PRKCQ: variants seen among roughly 807,000 people sequenced by gnomAD.
PRKCQ encodes protein kinase C theta type.
A neutral mutation model predicts 91.2 loss-of-function variants in PRKCQ; 41 were observed. The ratio of observed to expected loss-of-function variants is 0.45; its 90% CI spans 0.35 to 0.58. The LOEUF is 0.58. Among genes scored for constraint, PRKCQ ranks in the 20% least tolerant of loss-of-function variants. PRKCQ has a pLI of 0.00. For synonymous variants in PRKCQ, 307 were observed against 316.9 expected (o/e 0.97, Z 0.33); for missense variants, 673 against 896.5 (o/e 0.75, Z 3.18).
At chr10:6,437,049 G>C (rs112039892) in intron 16 of PRKCQ, among the ~76,000 whole-genome samples, 52 of 152,328 alleles carry the variant, frequency 3.4e-4, no homozygotes, top group African/African-American at 1.0e-3. Flanking sequence ...CTCACTTGGA[G>C]ACAGCCCCTG....
At chr10:6,530,463 C>T (rs77480215) in intron 1 of PRKCQ, among the ~76,000 whole-genome samples, 1 of 152,356 alleles carries the variant, frequency 6.6e-6, no homozygotes, top group Non-Finnish European at 1.5e-5. Flanking sequence ...CCGCAGTGAG[C>T]TAACAGTTTT....
At position 6,470,359 on chromosome 10, in the gene PRKCQ, C is replaced by T. The variant is rs79931338; in HGVS notation, c.1354-5955G>A. The stretch of plus-strand genomic sequence containing the variant: ...GTTTAGCACTTGAATTTCTGCAGTA[C>T]GTTGATTCTGACGCTCATATATTCC... On this transcript the variant is annotated intron_variant, in intron 12 of 17. Coordinates refer to ENST00000263125, the MANE Select transcript of PRKCQ (RefSeq NM_006257.5). 5.5e-4 allele frequency among the ~76,000 whole-genome samples: 84 copies of T among 152,244 alleles called. 1 individual carries two copies. In the East Asian group the frequency reaches 9.6e-3, roughly 17 times the overall value.
chr10:6,464,168 G>A, intron 13 of PRKCQ, 145 bp downstream of exon 13: 1 of 744,422 alleles, frequency 1.3e-6, no homozygotes, highest in Non-Finnish European at 2.4e-6. Context: ...TCACAACCTG[G>A]GAAAACTGTC....
intron 1 of PRKCQ, among the ~76,000 whole-genome samples, chr10:6,542,720 A>G (rs139182601): frequency 6.6e-6 from 1 of 152,118 alleles, no homozygotes; most frequent in Non-Finnish European, 1.5e-5. Context: ...TCAGAAGATC[A>G]GCTTAATATT....
At chr10:6,401,326 G>A in the PRKCQ span, among the ~76,000 whole-genome samples, 1 of 152,154 alleles carries the variant, frequency 6.6e-6, no homozygotes, top group Non-Finnish European at 1.5e-5. Flanking sequence ...TTTTCCGGGT[G>A]ACCGTTCTCA....
downstream of PRKCQ, among the ~76,000 whole-genome samples, chr10:6,423,621 G>A (rs147700576): frequency 1.3e-5 from 2 of 152,278 alleles, no homozygotes; most frequent in African/African-American, 4.8e-5. Context: ...CAACTTACTG[G>A]AAGTTGCTAG....
the PRKCQ span, among the ~76,000 whole-genome samples, chr10:6,415,584 C>G: frequency 3.3e-5 from 5 of 151,440 alleles, no homozygotes; most frequent in African/African-American, 4.9e-5. Flanking sequence ...ACAAGTCATA[C>G]TGCACACCAG....
chr10:6,405,792 C>T, the PRKCQ span, among the ~76,000 whole-genome samples: 10 of 152,166 alleles, frequency 6.6e-5, no homozygotes, highest in African/African-American at 4.8e-5. Context: ...AGGACAAGTG[C>T]GGGAGTGCTG....
intron 1 of PRKCQ, among the ~76,000 whole-genome samples, chr10:6,520,550 C>A (rs1838960211): frequency 6.6e-6 from 1 of 152,168 alleles, no homozygotes; most frequent in African/African-American, 2.4e-5. Context: ...TGCAACCTCT[C>A]CCTGGAACGC....
At chr10:6,493,477 G>A (rs1837432848) in intron 7 of PRKCQ, among the ~76,000 whole-genome samples, 1 of 152,118 alleles carries the variant, frequency 6.6e-6, no homozygotes, top group Admixed American at 6.5e-5. Context: ...ACTGCTCCAG[G>A]GGTAGAGGAA....
chr10:6,565,787 TC>T lies in PRKCQ; in HGVS notation c.-10+14423del, dbSNP rs375694135. 2.6e-3 allele frequency among the ~76,000 whole-genome samples: 394 copies of T among 152,314 alleles called. 4 individuals are homozygous for T. The highest frequency in any genetic ancestry group is 9.1e-3 in the African/African-American group (379 of 41,558). ...AGAACTTGGAATTATGCAAGTTACT[TC>T]CCACTGAATTACGTTCCTCAAAAGT... On this transcript the variant is annotated intron_variant, in intron 1 of 17. Coordinates refer to ENST00000263125, the MANE Select transcript of PRKCQ (RefSeq NM_006257.5).
At chr10:6,402,730 C>A in the PRKCQ span, among the ~76,000 whole-genome samples, 2 of 152,126 alleles carry the variant, frequency 1.3e-5, no homozygotes, top group Non-Finnish European at 2.9e-5. Flanking sequence ...GCTAACATGG[C>A]AAAACCCCGT....
chr10:6,463,328 A>G (rs1223365298), intron 13 of PRKCQ, among the ~76,000 whole-genome samples: 3 of 152,196 alleles, frequency 2.0e-5, no homozygotes, highest in African/African-American at 7.2e-5. Flanking sequence ...CTTGTGGAAG[A>G]ATGCAAAATT....
intron 1 of PRKCQ, among the ~76,000 whole-genome samples, chr10:6,542,533 T>C (rs1424294930): frequency 3.3e-5 from 5 of 152,218 alleles, no homozygotes; most frequent in African/African-American, 1.2e-4. Context: ...ACAGCATTGA[T>C]AGAAACTGTA....
At chr10:6,479,449 T>C (rs868441281) in intron 11 of PRKCQ, among the ~76,000 whole-genome samples, 9 of 152,142 alleles carry the variant, frequency 5.9e-5, no homozygotes, top group African/African-American at 2.2e-4. Context: ...CTCAGGGATC[T>C]GAGTGAAGGT....
At chr10:6,396,044 A>G in the PRKCQ span, among the ~76,000 whole-genome samples, 1 of 152,178 alleles carries the variant, frequency 6.6e-6, no homozygotes, top group Non-Finnish European at 1.5e-5. Context: ...ATTAGTAGAT[A>G]TTAAAACTTC....
At position 6,430,648 on chromosome 10, in the gene PRKCQ, C is replaced by A. The variant is rs1588641710; in HGVS notation, c.1965+162G>T. On this transcript the variant is annotated intron_variant, in intron 17 of 17. Coordinates refer to ENST00000263125, the MANE Select transcript of PRKCQ (RefSeq NM_006257.5). This position sits in a 1 kb window ranked among gnomAD's most constrained non-coding sequence, Gnocchi z 4.7. ...TGACCTCCCCTCCCTGCCCCACCAG[C>A]CCAGTAACATGTGTTAGAGACGTGC... Among the ~76,000 whole-genome samples the A allele has an allele frequency of 6.6e-6, 1 of 152,314 alleles. No homozygotes were observed. The highest frequency in any genetic ancestry group is 1.9e-4 in the East Asian group (1 of 5,184).
rs1302700727 is a variant in PRKCQ, at chr10:6,462,468, T to C, written c.1446-103A>G. On this transcript the variant is annotated intron_variant, in intron 13 of 17. Transcript: ENST00000263125. ...TTCTGACATGCTGTGTATGGCTAAATGGCATACACACATAACTCTGTTTAA... is the reference window on the plus strand; with the variant it reads ...TTCTGACATGCTGTGTATGGCTAAACGGCATACACACATAACTCTGTTTAA... 3 of 923,418 alleles carry C rather than the reference T, an allele frequency of 3.2e-6. No individual in the cohort carries two copies. The African/African-American group carries it at 4.9e-5, about 15-fold the overall frequency. The allele number at this position is 923,418 out of a possible 1,614,324, so 57.2% of individuals were successfully genotyped here.
At chr10:6,399,437 C>T in the PRKCQ span, among the ~76,000 whole-genome samples, 2 of 152,174 alleles carry the variant, frequency 1.3e-5, no homozygotes, top group East Asian at 1.9e-4. Flanking sequence ...AACATCCACC[C>T]GGCTGAGCCC....
Sources: allele counts gnomAD v4.1 joint callset (sites outside exome capture counted in the v4.1 genomes callset), GRCh38; gene constraint gnomAD v4.1.1; non-coding constraint Gnocchi (gnomAD v3.1); transcripts MANE v1.5; gene names NCBI Gene and HGNC (gene_info 2026-07-23, HGNC 2026-07-21).